Variants in PPFIBP1 observed in about 807,000 individuals in gnomAD.
The protein encoded by PPFIBP1 is liprin-beta-1.
Under a neutral mutation model 137.8 loss-of-function variants are expected in PPFIBP1, and 112 were observed. That is an observed-to-expected ratio of 0.81 (90% CI 0.70 to 0.95). PPFIBP1 has a LOEUF of 0.95. PPFIBP1 is among the 40% of genes least tolerant of loss of function. PPFIBP1 has a pLI of 0.00. For synonymous variants in PPFIBP1, 378 were observed against 417.3 expected, an observed-to-expected ratio of 0.91 and a Z score of 1.15; for missense variants, 1,083 against 1,196.6, an observed-to-expected ratio of 0.91 and a Z score of 1.40.
At chr12:27,681,015 C>T (rs964405771) in intron 21 of PPFIBP1, among the ~76,000 whole-genome samples, 9 of 152,236 alleles carry the variant, frequency 5.9e-5, no homozygotes, top group African/African-American at 2.2e-4. Context: ...TCATCTTCCC[C>T]TCCGCACCCT....
At chr12:27,681,406 T>A in intron 21 of PPFIBP1, 140 bp from the exon 22 acceptor site, 1 of 925,352 alleles carries the variant, frequency 1.1e-6, no homozygotes, top group Non-Finnish European at 1.6e-6. Context: ...CAATGTATAC[T>A]AAAAATTAAG....
At chr12:27,610,035 C>T (rs1303439797) in intron 2 of PPFIBP1, among the ~76,000 whole-genome samples, 1 of 152,054 alleles carries the variant, frequency 6.6e-6, no homozygotes, top group African/African-American at 2.4e-5. Context: ...AATGCAGCCC[C>T]CGAGCTGTGT....
At chr12:27,654,111 AT>A (rs2059048577) in intron 7 of PPFIBP1, among the ~76,000 whole-genome samples, 1 of 152,220 alleles carries the variant, frequency 6.6e-6, no homozygotes, top group Non-Finnish European at 1.5e-5. Flanking sequence ...TGATTTGACT[AT>A]TCTCATGTTC....
chr12:27,582,141 A>G (rs1221947743), intron 2 of PPFIBP1, among the ~76,000 whole-genome samples: 1 of 151,924 alleles, frequency 6.6e-6, no homozygotes, highest in Non-Finnish European at 1.5e-5. Flanking sequence ...CCTTTATGAG[A>G]CAGATATGCT....
intron 2 of PPFIBP1, among the ~76,000 whole-genome samples, chr12:27,586,010 A>G (rs992355595): frequency 6.6e-6 from 1 of 152,224 alleles, no homozygotes; most frequent in African/African-American, 2.4e-5. Context: ...AGTCATTAGG[A>G]ACAATAGCAG....
intron 2 of PPFIBP1, among the ~76,000 whole-genome samples, chr12:27,592,155 C>T (rs7970985): frequency 0.25 from 38,627 of 152,144 alleles, 5,061 homozygotes; most frequent in Middle Eastern, 0.28. Flanking sequence ...TGTCCTCACA[C>T]GGGAAATAGC....
intron 2 of PPFIBP1, among the ~76,000 whole-genome samples, chr12:27,604,566 A>G (rs533652475): frequency 2.0e-5 from 3 of 152,324 alleles, no homozygotes; most frequent in Non-Finnish European, 4.4e-5. Flanking sequence ...TATTCTTAGC[A>G]TAAATAAAGC....
intron 2 of PPFIBP1, among the ~76,000 whole-genome samples, chr12:27,598,032 T>C (rs1338272328): frequency 6.6e-6 from 1 of 152,088 alleles, no homozygotes; most frequent in African/African-American, 2.4e-5. Flanking sequence ...GTCAAACTCC[T>C]GACCTCAGGC....
At chr12:27,543,243 C>T (rs187176348) in intron 1 of PPFIBP1, among the ~76,000 whole-genome samples, 1 of 152,204 alleles carries the variant, frequency 6.6e-6, no homozygotes, top group East Asian at 1.9e-4. Flanking sequence ...TAAATTGAGC[C>T]AAGTAACTAC....
intron 2 of PPFIBP1, among the ~76,000 whole-genome samples, chr12:27,602,495 T>A (rs899983963): frequency 2.0e-5 from 3 of 152,182 alleles, no homozygotes; most frequent in African/African-American, 7.2e-5. Context: ...ATGCTGTACA[T>A]CAGATCCCCA....
At chr12:27,583,537 A>T (rs1036886345) in intron 2 of PPFIBP1, among the ~76,000 whole-genome samples, 8 of 147,002 alleles carry the variant, frequency 5.4e-5, no homozygotes, top group African/African-American at 8.2e-5. Flanking sequence ...TTCATGGTCT[A>T]TATTGGTCCT....
chr12:27,676,905 T>A (rs1446371357), intron 18 of PPFIBP1, 159 bp from the exon 19 acceptor site: 2 of 892,080 alleles, frequency 2.2e-6, no homozygotes, highest in Non-Finnish European at 3.7e-6. Flanking sequence ...AACATTGACG[T>A]TGAGCCTGTG....
chr12:27,679,623 A>C lies in PPFIBP1; in HGVS notation c.1750A>C (p.Met584Leu), dbSNP rs1223438387. The C allele has an allele frequency of 3.7e-6, 6 of 1,613,878 alleles. No individual in the cohort carries two copies. Among genetic ancestry groups the C allele is most frequent in the Non-Finnish European group, 5.1e-6 (6 of 1,179,808 alleles). ...PDSKKKSRGI[M>L]KLFGKLRRSQ... ...TTCCAAAAAGAAATCCAGAGGTATC[A>C]TGAAACTCTTTGGAAAGTAAGTAAA... Residue 584 changes from methionine to leucine, a missense_variant, in exon 20 of 30, where the codon ATG becomes CTG. Physicochemically the swap from Met to Leu is conservative, Grantham distance 15. Transcript: ENST00000228425.
At chr12:27,610,179 T>A (rs2054946459) in intron 2 of PPFIBP1, among the ~76,000 whole-genome samples, 1 of 152,210 alleles carries the variant, frequency 6.6e-6, no homozygotes, top group Admixed American at 6.5e-5. Context: ...TAAATAGGTT[T>A]GTCTTATTTA....
intron 2 of PPFIBP1, among the ~76,000 whole-genome samples, chr12:27,589,099 G>A (rs12099617): frequency 0.26 from 39,441 of 152,038 alleles, 5,304 homozygotes; most frequent in Middle Eastern, 0.32. Context: ...AAACCCACCC[G>A]TCCATCTTGA....
At chr12:27,692,508 C>A in intron 28 of PPFIBP1, 83 bp from the exon 29 acceptor site, 1 of 1,287,818 alleles carries the variant, frequency 7.8e-7, no homozygotes, top group Non-Finnish European at 1.1e-6. Context: ...TGCATTATTT[C>A]TTCTTAGACT....
rs1000496834 is a variant in PPFIBP1 at position 27,556,713 on chromosome 12, G to A, written c.-123-21439G>A. Among the ~76,000 whole-genome samples, 6 of 152,156 alleles carry A rather than the reference G, an allele frequency of 3.9e-5. No homozygotes were observed. The East Asian group carries it at 9.6e-4, about 24-fold the overall frequency. On this transcript the variant is annotated intron_variant, in intron 1 of 29. Transcript: ENST00000228425. ...GCCAACACACCCCTAATATTCAAGCGTTCAGCAGGAGAGAGCAAGTTAGAA... is the reference window on the plus strand; with the variant it reads ...GCCAACACACCCCTAATATTCAAGCATTCAGCAGGAGAGAGCAAGTTAGAA...
At chr12:27,613,047 C>G (rs1347904031) in intron 2 of PPFIBP1, among the ~76,000 whole-genome samples, 1 of 152,118 alleles carries the variant, frequency 6.6e-6, no homozygotes, top group Non-Finnish European at 1.5e-5. Context: ...CAGAGGAATG[C>G]CTGGTACCCC....
intron 1 of PPFIBP1, among the ~76,000 whole-genome samples, chr12:27,538,953 G>C (rs1282465310): frequency 1.3e-5 from 2 of 152,156 alleles, no homozygotes; most frequent in Admixed American, 1.3e-4. Context: ...CAACCTGGGG[G>C]TGGGGGTGCT....
Sources: gnomAD v4.1 joint callset for allele counts (sites outside exome capture counted in the v4.1 genomes callset) on GRCh38, gnomAD v4.1.1 for gene constraint, MANE v1.5 for transcripts, NCBI Gene and HGNC (gene_info 2026-07-23, HGNC 2026-07-21) for gene names.